Variants in SLC24A2 observed in about 807,000 individuals in gnomAD.
SLC24A2 encodes sodium/potassium/calcium exchanger 2.
Under a neutral mutation model 62.0 loss-of-function variants are expected in SLC24A2, and 36 were observed. The observed-to-expected ratio is 0.58, with a 90% CI of 0.44 to 0.77. The LOEUF is 0.77. Among genes scored for constraint, SLC24A2 ranks in the 30% least tolerant of loss-of-function variants. SLC24A2 has a pLI of 0.00. For missense variants in SLC24A2, 846 were observed against 817.9 expected (o/e 1.03, Z -0.42); for synonymous variants, 358 against 294.0 (o/e 1.22, Z -2.23).
At chr9:19,972,959 T>C in the SLC24A2 span, among the ~76,000 whole-genome samples, 4 of 152,126 alleles carry the variant, frequency 2.6e-5, no homozygotes, top group African/African-American at 4.8e-5. Flanking sequence ...GTTAAGCTCA[T>C]CTTTTGGGGG....
the SLC24A2 span, among the ~76,000 whole-genome samples, chr9:20,098,780 G>T: frequency 2.0e-5 from 3 of 152,208 alleles, no homozygotes; most frequent in African/African-American, 7.2e-5. Context: ...CGAAGGGAAA[G>T]ATATGGTTAA....
At chr9:19,692,921 A>G (rs1820084260) in intron 2 of SLC24A2, among the ~76,000 whole-genome samples, 1 of 152,150 alleles carries the variant, frequency 6.6e-6, no homozygotes, top group African/African-American at 2.4e-5. Flanking sequence ...AGATCCAAAA[A>G]ATACATACTT....
At chr9:19,730,616 T>C (rs1343377419) in intron 2 of SLC24A2, among the ~76,000 whole-genome samples, 1 of 152,146 alleles carries the variant, frequency 6.6e-6, no homozygotes, top group Non-Finnish European at 1.5e-5. Flanking sequence ...AAGCTAGTTG[T>C]AGAATTTTAT....
chr9:19,695,321 C>A (rs971493732), intron 2 of SLC24A2, among the ~76,000 whole-genome samples: 24 of 152,094 alleles, frequency 1.6e-4, no homozygotes, highest in African/African-American at 5.8e-4. Flanking sequence ...CTCCATTACT[C>A]ACACAGGACT....
the SLC24A2 span, among the ~76,000 whole-genome samples, chr9:19,969,649 G>A: frequency 2.6e-5 from 4 of 152,164 alleles, no homozygotes; most frequent in Admixed American, 6.5e-5. Flanking sequence ...GGCTACAGTA[G>A]TAAGAAAAGA....
At chr9:20,293,254 G>A in the SLC24A2 span, among the ~76,000 whole-genome samples, 1 of 152,086 alleles carries the variant, frequency 6.6e-6, no homozygotes, top group African/African-American at 2.4e-5. Flanking sequence ...TCTTTTTAAG[G>A]GGACACAACT....
the SLC24A2 span, among the ~76,000 whole-genome samples, chr9:20,075,024 T>C: frequency 3.9e-5 from 6 of 152,310 alleles, no homozygotes; most frequent in Non-Finnish European, 5.9e-5. Context: ...ATAAGCTCCA[T>C]TCAGCTCTAA....
the SLC24A2 span, among the ~76,000 whole-genome samples, chr9:20,200,715 C>T: frequency 1.3e-5 from 2 of 152,200 alleles, no homozygotes; most frequent in Non-Finnish European, 2.9e-5. Flanking sequence ...TTGGCCTCTG[C>T]CCAGGGACGC....
chr9:19,901,631 G>A, the SLC24A2 span, among the ~76,000 whole-genome samples: 2 of 152,144 alleles, frequency 1.3e-5, no homozygotes, highest in Non-Finnish European at 2.9e-5. Context: ...TGTAACATAC[G>A]ACCCATGTTC....
the SLC24A2 span, among the ~76,000 whole-genome samples, chr9:20,304,549 A>G: frequency 6.6e-6 from 1 of 152,396 alleles, no homozygotes; most frequent in East Asian, 1.9e-4. Context: ...AGTTTCAATC[A>G]CACAGAAAGG....
At chr9:19,587,605 T>C (rs997208988) in intron 5 of SLC24A2, among the ~76,000 whole-genome samples, 1 of 152,124 alleles carries the variant, frequency 6.6e-6, no homozygotes, top group African/African-American at 2.4e-5. Flanking sequence ...AAAGAGAAAC[T>C]TACCATGCCT....
chr9:20,044,477 G>A, the SLC24A2 span, among the ~76,000 whole-genome samples: 1 of 152,096 alleles, frequency 6.6e-6, no homozygotes, highest in African/African-American at 2.4e-5. Context: ...TTAACATTGG[G>A]AGGCAGGGTT....
At chr9:19,547,763 A>G (rs1457394513) in intron 8 of SLC24A2, among the ~76,000 whole-genome samples, 1 of 151,538 alleles carries the variant, frequency 6.6e-6, no homozygotes, top group Non-Finnish European at 1.5e-5. Context: ...AGAAAACTGT[A>G]TCTGTCTCCC....
chr9:20,003,557 C>T, the SLC24A2 span, among the ~76,000 whole-genome samples: 2 of 152,008 alleles, frequency 1.3e-5, no homozygotes, highest in African/African-American at 2.4e-5. Flanking sequence ...CAAGAGAAAA[C>T]CCCCCAAATG....
At chr9:20,273,296 A>G in the SLC24A2 span, among the ~76,000 whole-genome samples, 1 of 152,186 alleles carries the variant, frequency 6.6e-6, no homozygotes, top group African/African-American at 2.4e-5. Context: ...GTAAGTTATA[A>G]AACCCTCATG....
intron 6 of SLC24A2, among the ~76,000 whole-genome samples, chr9:19,575,969 AAT>A (rs1835997833): frequency 1.3e-5 from 2 of 149,586 alleles, no homozygotes; most frequent in South Asian, 2.1e-4. Flanking sequence ...GAAGCAGAAA[AAT>A]ATATATATAA....
At chr9:19,817,448 T>C in the SLC24A2 span, among the ~76,000 whole-genome samples, 5 of 152,060 alleles carry the variant, frequency 3.3e-5, no homozygotes, top group East Asian at 7.7e-4. Context: ...GATGACTTTA[T>C]ATATCTATAT....
the SLC24A2 span, among the ~76,000 whole-genome samples, chr9:19,855,367 G>A: frequency 6.6e-6 from 1 of 152,146 alleles, no homozygotes; most frequent in East Asian, 1.9e-4. Flanking sequence ...ACTTGTTAAT[G>A]TAGTTGCTTC....
intron 2 of SLC24A2, among the ~76,000 whole-genome samples, chr9:19,687,821 C>T: frequency 6.6e-6 from 1 of 152,034 alleles, no homozygotes; most frequent in East Asian, 1.9e-4. Context: ...GACAAATGCT[C>T]CAGTCAGGTG....
Sources: gnomAD v4.1 joint callset for allele counts (sites outside exome capture counted in the v4.1 genomes callset) on GRCh38, gnomAD v4.1.1 for gene constraint, MANE v1.5 for transcripts, NCBI Gene and HGNC (gene_info 2026-07-23, HGNC 2026-07-21) for gene names.